Variants in NFIA observed in about 807,000 individuals in gnomAD.
NFIA encodes nuclear factor 1 A-type.
A neutral mutation model predicts 62.8 loss-of-function variants in NFIA; 8 were observed. The observed-to-expected ratio is 0.13, with a 90% CI of 0.07 to 0.23. NFIA has a LOEUF of 0.23. NFIA is among the 10% of genes least tolerant of loss of function. NFIA has a pLI of 1.00. For missense variants in NFIA, 410 were observed against 642.1 expected (o/e 0.64, Z 3.91); for synonymous variants, 235 against 238.1 (o/e 0.99, Z 0.12).
At chr1:61,231,257 G>A (rs903549243) in intron 2 of NFIA, among the ~76,000 whole-genome samples, 2 of 152,010 alleles carry the variant, frequency 1.3e-5, no homozygotes, top group African/African-American at 4.8e-5. Flanking sequence ...TTTGCATATT[G>A]GAACTAAGCA....
At chr1:61,115,073 G>C (rs537573061) in intron 2 of NFIA, among the ~76,000 whole-genome samples, 1 of 152,128 alleles carries the variant, frequency 6.6e-6, no homozygotes, top group Admixed American at 6.6e-5. Context: ...TACACCTCCC[G>C]GGTTCAAACT....
chr1:61,291,133 GAAGA>G (rs1557686216), intron 3 of NFIA, among the ~76,000 whole-genome samples: 2 of 152,194 alleles, frequency 1.3e-5, no homozygotes, highest in African/African-American at 2.4e-5. Flanking sequence ...TAGGAAAGAC[GAAGA>G]AAGAAGAGAA....
chr1:61,394,112 G>T (rs539489707), intron 7 of NFIA, among the ~76,000 whole-genome samples: 1 of 152,236 alleles, frequency 6.6e-6, no homozygotes, highest in East Asian at 1.9e-4. Flanking sequence ...TATGAATGAG[G>T]CACCTGTGTA....
intron 2 of NFIA, among the ~76,000 whole-genome samples, chr1:61,232,273 C>G (rs1394507564): frequency 6.6e-6 from 1 of 152,066 alleles, no homozygotes; most frequent in Non-Finnish European, 1.5e-5. Context: ...TCCACAACCA[C>G]TAATTATGAA....
chr1:61,288,151 T>C (rs1279001126), intron 3 of NFIA, among the ~76,000 whole-genome samples: 1 of 152,190 alleles, frequency 6.6e-6, no homozygotes, highest in Non-Finnish European at 1.5e-5. Flanking sequence ...AGTAAGCCAC[T>C]GCGACACTGT....
At chr1:61,243,115 C>CCA (rs1388324701) in intron 2 of NFIA, among the ~76,000 whole-genome samples, 2 of 152,028 alleles carry the variant, frequency 1.3e-5, no homozygotes, top group Non-Finnish European at 2.9e-5. Flanking sequence ...CAATTGTCAA[C>CCA]CAAGGCCCAA....
intron 2 of NFIA, among the ~76,000 whole-genome samples, chr1:61,258,427 C>T (rs1238223875): frequency 6.6e-6 from 1 of 152,162 alleles, no homozygotes; most frequent in Non-Finnish European, 1.5e-5. Flanking sequence ...ATTGTATTTG[C>T]AGTCATCTAT....
At chr1:61,281,706 TCTC>T (rs566242826) in intron 3 of NFIA, among the ~76,000 whole-genome samples, 102 of 152,276 alleles carry the variant, frequency 6.7e-4, no homozygotes, top group African/African-American at 2.2e-3. Context: ...AGAAGAGACT[TCTC>T]CTAGATGTCT....
chr1:61,191,609 A>G lies in NFIA; in HGVS notation c.560-85911A>G, dbSNP rs1436911296. 2.6e-5 allele frequency among the ~76,000 whole-genome samples: 4 copies of G among 152,158 alleles called. No individual in the cohort carries two copies. The South Asian group carries it at 6.2e-4, about 24-fold the overall frequency. On this transcript the variant is annotated intron_variant, in intron 2 of 10. Coordinates refer to ENST00000403491, the MANE Select transcript of NFIA (RefSeq NM_001134673.4). ...GCTGTGTAGATAGTAGCTCTGTTTG[A>G]AAAACTTTGAGAAGTTGTTGTGATG...
chr1:61,413,571 A>G (rs1359717560), intron 9 of NFIA, among the ~76,000 whole-genome samples: 2 of 150,938 alleles, frequency 1.3e-5, no homozygotes, highest in African/African-American at 4.9e-5. Context: ...GGGGAACCAC[A>G]GCTGTCTGCT....
chr1:61,307,434 T>A (rs2100341812), intron 3 of NFIA, among the ~76,000 whole-genome samples: 1 of 152,264 alleles, frequency 6.6e-6, no homozygotes, highest in African/African-American at 2.4e-5. Flanking sequence ...AGAAATAGAT[T>A]TCTGTTGTTT....
chr1:61,284,415 A>T (rs1046429247), intron 3 of NFIA, among the ~76,000 whole-genome samples: 2 of 152,220 alleles, frequency 1.3e-5, no homozygotes, highest in Non-Finnish European at 2.9e-5. Flanking sequence ...CTCCTCAGAA[A>T]TGCCTCCAGA....
intron 3 of NFIA, among the ~76,000 whole-genome samples, chr1:61,288,085 G>A (rs2100301252): frequency 6.6e-6 from 1 of 152,284 alleles, no homozygotes; most frequent in Admixed American, 6.5e-5. Flanking sequence ...TAATAGTTGA[G>A]AGCCACTCAG....
At chr1:61,402,879 GA>G (rs1665639514) in intron 7 of NFIA, among the ~76,000 whole-genome samples, 2 of 152,198 alleles carry the variant, frequency 1.3e-5, no homozygotes, top group African/African-American at 4.8e-5. Flanking sequence ...TCATTAGTCA[GA>G]AAGTGCCCCA....
Position 61,398,741 on chromosome 1 carries a change from A to G in NFIA, c.1076-5363A>G, listed in dbSNP as rs537570242. ...AGCATTGCCAATTCTTCTTTCCTGTATCTCTGTTAAAATAAATCCCTTAAC... is the reference window on the plus strand; with the variant it reads ...AGCATTGCCAATTCTTCTTTCCTGTGTCTCTGTTAAAATAAATCCCTTAAC... On this transcript the variant is annotated intron_variant, in intron 7 of 10. Coordinates refer to ENST00000403491, the MANE Select transcript of NFIA (RefSeq NM_001134673.4). 8.5e-5 allele frequency among the ~76,000 whole-genome samples: 13 copies of G among 152,282 alleles called. No individual in the cohort carries two copies. The South Asian group carries it at 2.3e-3, about 27-fold the overall frequency.
At chr1:61,341,273 G>C (rs1359564926) in intron 4 of NFIA, among the ~76,000 whole-genome samples, 1 of 151,554 alleles carries the variant, frequency 6.6e-6, no homozygotes, top group Non-Finnish European at 1.5e-5. Flanking sequence ...CCGTGGTCTC[G>C]ATCTCCTGAC....
In NFIA at chr1:61,233,173, T is replaced by C. The variant is rs1654782405; in HGVS notation, c.560-44347T>C. ...ACTATATTCTTGTCTAAGCTATGCA[T>C]TGGATTTTGTAGATGAAAGGCAGCC... On this transcript the variant is annotated intron_variant, in intron 2 of 10. Coordinates refer to ENST00000403491, the MANE Select transcript of NFIA (RefSeq NM_001134673.4). Among the ~76,000 whole-genome samples, 2 of 152,216 alleles carry C rather than the reference T, an allele frequency of 1.3e-5. 1 individual carries two copies. The highest frequency in any genetic ancestry group is 4.1e-4 in the South Asian group (2 of 4,830).
chr1:61,189,006 G>A (rs944012952), intron 2 of NFIA, among the ~76,000 whole-genome samples: 6 of 152,136 alleles, frequency 3.9e-5, no homozygotes, highest in Non-Finnish European at 7.4e-5. Flanking sequence ...GGCCAGTATG[G>A]TGTCTCTTAA....
At chr1:61,346,087 C>T (rs1320121990) in intron 4 of NFIA, among the ~76,000 whole-genome samples, 1 of 152,124 alleles carries the variant, frequency 6.6e-6, no homozygotes, top group Non-Finnish European at 1.5e-5. Context: ...ATTTTTTATG[C>T]CCCATGACAT....
Sources: allele counts gnomAD v4.1 joint callset (sites outside exome capture counted in the v4.1 genomes callset), GRCh38; gene constraint gnomAD v4.1.1; transcripts MANE v1.5; gene names NCBI Gene and HGNC (gene_info 2026-07-23, HGNC 2026-07-21).